Variants in PTPRG observed in about 807,000 individuals in gnomAD.
The protein encoded by PTPRG is receptor-type tyrosine-protein phosphatase gamma.
PTPRG carries 102 observed loss-of-function variants against 165.3 expected under a neutral mutation model. The observed-to-expected ratio is 0.62, with a 90% CI of 0.53 to 0.73. PTPRG has a LOEUF of 0.73. PTPRG is among the 30% of genes least tolerant of loss of function. The probability of loss-of-function intolerance (pLI) is 0.00; values close to 1 mark genes in which losing one functional copy is unlikely to be tolerated. For synonymous variants in PTPRG, 675 were observed against 669.5 expected (o/e 1.01, Z -0.13); for missense variants, 1,866 against 1,861.4 (o/e 1.00, Z -0.05).
intron 13 of PTPRG, among the ~76,000 whole-genome samples, chr3:62,226,312 C>T (rs1185807963): frequency 6.6e-6 from 1 of 152,206 alleles, no homozygotes; most frequent in African/African-American, 2.4e-5. Flanking sequence ...GATGTCTCTG[C>T]TGCTGGACAT....
At chr3:61,636,977 G>A (rs1431612213) in intron 1 of PTPRG, among the ~76,000 whole-genome samples, 1 of 152,106 alleles carries the variant, frequency 6.6e-6, no homozygotes, top group Non-Finnish European at 1.5e-5. Context: ...ATGCCAATTG[G>A]TTAAATCTCC....
chr3:61,947,559 C>T (rs941770475), intron 2 of PTPRG, among the ~76,000 whole-genome samples: 4 of 152,148 alleles, frequency 2.6e-5, no homozygotes, highest in Non-Finnish European at 5.9e-5. Flanking sequence ...GCATGTATAA[C>T]AGAAAAGCCA....
chr3:61,584,783 G>C (rs1318922364), intron 1 of PTPRG, among the ~76,000 whole-genome samples: 1 of 151,976 alleles, frequency 6.6e-6, no homozygotes, highest in African/African-American at 2.4e-5. Context: ...GCCCTCACAC[G>C]GAATCTTATT....
intron 2 of PTPRG, among the ~76,000 whole-genome samples, chr3:61,778,890 G>C (rs2034462499): frequency 6.6e-6 from 1 of 152,074 alleles, no homozygotes; most frequent in Non-Finnish European, 1.5e-5. Flanking sequence ...TCTGAGTGCA[G>C]ACCCTGGAAG....
At chr3:61,590,221 CAAAAAA>C (rs11348723) in intron 1 of PTPRG, among the ~76,000 whole-genome samples, 1 of 142,550 alleles carries the variant, frequency 7.0e-6, no homozygotes, top group Non-Finnish European at 1.5e-5. Flanking sequence ...TTTCTTTAAT[CAAAAAA>C]AAAAAAAAAA....
intron 1 of PTPRG, among the ~76,000 whole-genome samples, chr3:61,605,857 G>A (rs1265624259): frequency 6.6e-6 from 1 of 152,124 alleles, no homozygotes; most frequent in Non-Finnish European, 1.5e-5. Flanking sequence ...ACAGATGTGA[G>A]TCACCACACC....
intron 8 of PTPRG, among the ~76,000 whole-genome samples, chr3:62,177,328 C>A (rs573842866): frequency 6.6e-6 from 1 of 152,224 alleles, no homozygotes; most frequent in East Asian, 1.9e-4. Flanking sequence ...ATCATACACT[C>A]TCTTCCTCAG....
At chr3:61,636,110 A>G (rs1193835678) in intron 1 of PTPRG, among the ~76,000 whole-genome samples, 1 of 152,200 alleles carries the variant, frequency 6.6e-6, no homozygotes, top group Non-Finnish European at 1.5e-5. Flanking sequence ...CCTATCGTCT[A>G]AAGTACTGTA....
At chr3:62,151,518 T>G (rs1018824342) in intron 6 of PTPRG, among the ~76,000 whole-genome samples, 1 of 151,932 alleles carries the variant, frequency 6.6e-6, no homozygotes, top group African/African-American at 2.4e-5. Context: ...CATCTTTTTC[T>G]TTGATGAACA....
Position 61,618,781 on chromosome 3 carries a change from T to TA in PTPRG, c.85+56415dup, listed in dbSNP as rs201109776. Among the ~76,000 whole-genome samples, 896 of 152,104 alleles carry TA rather than the reference T, an allele frequency of 5.9e-3. 10 individuals carry two copies. Among genetic ancestry groups the TA allele is most frequent in the African/African-American group, 0.02 (844 of 41,506 alleles). The stretch of plus-strand genomic sequence containing the variant: ...TTTCTGTTGATGAGAGTCAATACAG[T>TA]AAAAAATGACAGTATTCATTGTTAT... On this transcript the variant is annotated intron_variant, in intron 1 of 29. Coordinates refer to ENST00000474889, the MANE Select transcript of PTPRG (RefSeq NM_002841.4).
At chr3:61,977,628 T>C (rs982583143) in intron 2 of PTPRG, among the ~76,000 whole-genome samples, 2 of 152,196 alleles carry the variant, frequency 1.3e-5, no homozygotes, top group Admixed American at 6.5e-5. Context: ...TAGATACTTC[T>C]ACCTCCATTT....
intron 5 of PTPRG, among the ~76,000 whole-genome samples, chr3:62,123,142 G>A (rs1184755297): frequency 6.6e-6 from 1 of 152,188 alleles, no homozygotes; most frequent in East Asian, 1.9e-4. Context: ...TACAATCAAG[G>A]TGTCAACTGG....
intron 13 of PTPRG, among the ~76,000 whole-genome samples, chr3:62,230,561 T>C (rs1405620955): frequency 6.6e-6 from 1 of 152,212 alleles, no homozygotes; most frequent in Admixed American, 6.5e-5. Context: ...AAGTGCATCT[T>C]TCAAATTCTG....
intron 2 of PTPRG, among the ~76,000 whole-genome samples, chr3:61,779,290 G>C (rs977821923): frequency 1.3e-5 from 2 of 152,196 alleles, no homozygotes; most frequent in Admixed American, 6.5e-5. Flanking sequence ...GGAGGAAAAA[G>C]TGGAAGATAT....
intron 4 of PTPRG, among the ~76,000 whole-genome samples, chr3:62,069,471 A>G (rs1701129522): frequency 6.6e-6 from 1 of 152,182 alleles, no homozygotes; most frequent in Non-Finnish European, 1.5e-5. Flanking sequence ...AGAGAAGATG[A>G]TAGAGTTCAG....
chr3:61,771,900 A>G (rs778390213), intron 2 of PTPRG, among the ~76,000 whole-genome samples: 3 of 151,722 alleles, frequency 2.0e-5, no homozygotes, highest in Admixed American at 6.6e-5. Flanking sequence ...TCTCTACTAA[A>G]AATACAAAAA....
intron 14 of PTPRG, among the ~76,000 whole-genome samples, chr3:62,241,395 T>C (rs1186789015): frequency 6.6e-6 from 1 of 152,202 alleles, no homozygotes; most frequent in Admixed American, 6.5e-5. Context: ...AAGTGCATGA[T>C]GTGCAGCAAG....
At chr3:62,114,017 G>C (rs183943093) in intron 5 of PTPRG, among the ~76,000 whole-genome samples, 1 of 152,160 alleles carries the variant, frequency 6.6e-6, no homozygotes, top group Non-Finnish European at 1.5e-5. Flanking sequence ...GTGGCTTTCC[G>C]ACCGGGTGTG....
At chr3:62,037,068 T>A (rs11712134) in intron 4 of PTPRG, among the ~76,000 whole-genome samples, 2 of 152,148 alleles carry the variant, frequency 1.3e-5, no homozygotes, top group South Asian at 2.1e-4. Flanking sequence ...TAATCTTTGC[T>A]TGCATTATCT....
Sources: gnomAD v4.1 joint callset for allele counts (sites outside exome capture counted in the v4.1 genomes callset) on GRCh38, gnomAD v4.1.1 for gene constraint, MANE v1.5 for transcripts, NCBI Gene and HGNC (gene_info 2026-07-23, HGNC 2026-07-21) for gene names.